Variants in PACS1 observed in about 807,000 individuals in gnomAD.
The protein encoded by PACS1 is phosphofurin acidic cluster sorting protein 1.
Under a neutral mutation model 115.0 loss-of-function variants are expected in PACS1, and 24 were observed. The ratio of observed to expected loss-of-function variants is 0.21; its 90% CI spans 0.15 to 0.29. The LOEUF is 0.29. PACS1 is among the 10% of genes least tolerant of loss of function. The pLI is 1.00. For missense variants in PACS1, 838 were observed against 1,251.2 expected (o/e 0.67, Z 4.98); for synonymous variants, 453 against 504.5 (o/e 0.90, Z 1.37).
rs80256695 is a variant in PACS1, at chr11:66,202,424, C to A, written c.445-7938C>A. On this transcript the variant is annotated intron_variant, in intron 2 of 23. Coordinates refer to ENST00000320580, the MANE Select transcript of PACS1 (RefSeq NM_018026.4). ...GCAGTATCTCTGATGACCACTGATACAAAAATCATCAAGAAAATACTAGCA... is the reference window on the plus strand; with the variant it reads ...GCAGTATCTCTGATGACCACTGATAAAAAAATCATCAAGAAAATACTAGCA... Among the ~76,000 whole-genome samples, 763 of 152,072 alleles carry A rather than the reference C, an allele frequency of 5.0e-3. 37 individuals carry two copies. The East Asian group carries it at 0.1, about 21-fold the overall frequency.
At chr11:66,219,497 G>A (rs749654498) in intron 7 of PACS1, 34 of 636,848 alleles carry the variant, frequency 5.3e-5, no homozygotes, top group Non-Finnish European at 7.8e-5. Flanking sequence ...AGGTGTTGGG[G>A]CACAGGGGGG....
intron 1 of PACS1, among the ~76,000 whole-genome samples, chr11:66,072,401 T>C (rs1197300745): frequency 6.6e-6 from 1 of 152,172 alleles, no homozygotes; most frequent in East Asian, 1.9e-4. Flanking sequence ...GTTGTATTCA[T>C]ATGGAGGGGT....
chr11:66,138,580 C>T (rs2134589802), intron 1 of PACS1, among the ~76,000 whole-genome samples: 1 of 152,188 alleles, frequency 6.6e-6, no homozygotes, highest in African/African-American at 2.4e-5. Context: ...CCTTGCTTGC[C>T]TCACCCTAAT....
intron 1 of PACS1, among the ~76,000 whole-genome samples, chr11:66,186,668 C>G (rs1437242988): frequency 6.6e-6 from 1 of 152,218 alleles, no homozygotes; most frequent in East Asian, 1.9e-4. Flanking sequence ...CAGCATGTGC[C>G]TCATTATAAG....
chr11:66,164,849 G>A (rs1859568224), intron 1 of PACS1, among the ~76,000 whole-genome samples: 1 of 151,920 alleles, frequency 6.6e-6, no homozygotes, highest in Non-Finnish European at 1.5e-5. Flanking sequence ...ATTCTCAGGT[G>A]AAACTTCACT....
At chr11:66,216,354 A>C in intron 5 of PACS1, 91 bp downstream of exon 5, 1 of 1,478,486 alleles carries the variant, frequency 6.8e-7, no homozygotes, top group East Asian at 2.3e-5. Context: ...TTCCTGGGCA[A>C]GAGACCTTTA....
chr11:66,170,844 A>C (rs1421196628), intron 1 of PACS1, among the ~76,000 whole-genome samples: 1 of 147,434 alleles, frequency 6.8e-6, no homozygotes, highest in East Asian at 1.9e-4. Context: ...TGGGAGGCAG[A>C]GATTGCAGTG....
chr11:66,170,549 T>C (rs1859711525), intron 1 of PACS1, among the ~76,000 whole-genome samples: 1 of 150,324 alleles, frequency 6.7e-6, no homozygotes, highest in African/African-American at 2.5e-5. Flanking sequence ...TTCAAATGCA[T>C]TATCTTTAAA....
intron 1 of PACS1, among the ~76,000 whole-genome samples, chr11:66,190,155 A>G (rs1349598135): frequency 6.6e-6 from 1 of 152,208 alleles, no homozygotes; most frequent in Non-Finnish European, 1.5e-5. Flanking sequence ...TGTTCTTTGG[A>G]CATACTGAAG....
At chr11:66,240,702 G>C (rs770649635) in intron 21 of PACS1, among the ~76,000 whole-genome samples, 2 of 151,934 alleles carry the variant, frequency 1.3e-5, no homozygotes, top group African/African-American at 2.4e-5. Flanking sequence ...ACCCCACAGC[G>C]GAAGGGTTTC....
At chr11:66,093,661 C>T (rs1358318228) in intron 1 of PACS1, among the ~76,000 whole-genome samples, 286 of 132,132 alleles carry the variant, frequency 2.2e-3, no homozygotes, top group African/African-American at 2.9e-3. Flanking sequence ...AACAAGGATA[C>T]CCAGGAATTG....
intron 1 of PACS1, among the ~76,000 whole-genome samples, chr11:66,114,959 CT>C (rs1209658266): frequency 1.3e-5 from 2 of 152,020 alleles, no homozygotes; most frequent in Non-Finnish European, 2.9e-5. Context: ...AATCCCAGCA[CT>C]TTAGTAGGCT....
In PACS1 at chr11:66,178,532, A is replaced by G. The variant is rs147745496; in HGVS notation, c.357-14954A>G. Among the ~76,000 whole-genome samples, 380 of 152,254 alleles carry G rather than the reference A, an allele frequency of 2.5e-3. 1 individual carries two copies. Among genetic ancestry groups the G allele is most frequent in the Non-Finnish European group, 2.9e-3 (200 of 68,018 alleles). ...GCTAAAAAATTCTTGTTCCTGTTTT[A>G]TGGTGGATTATATCTATCAGTATTT... On this transcript the variant is annotated intron_variant, in intron 1 of 23. Coordinates refer to ENST00000320580, the MANE Select transcript of PACS1 (RefSeq NM_018026.4).
intron 7 of PACS1, chr11:66,217,958 CTG>C: frequency 4.6e-6 from 1 of 218,282 alleles, no homozygotes; most frequent in Non-Finnish European, 9.2e-6. Context: ...TGGCACATGA[CTG>C]GAGTTCAGTG....
At chr11:66,176,916 A>G (rs1342457400) in intron 1 of PACS1, among the ~76,000 whole-genome samples, 4 of 152,158 alleles carry the variant, frequency 2.6e-5, no homozygotes, top group Non-Finnish European at 4.4e-5. Context: ...AGTAACTTGC[A>G]TATGTCTCAG....
At chr11:66,131,891 C>T (rs559061819) in intron 1 of PACS1, among the ~76,000 whole-genome samples, 49 of 152,084 alleles carry the variant, frequency 3.2e-4, no homozygotes, top group African/African-American at 1.1e-3. Flanking sequence ...CCTGATAGCC[C>T]CACCTAAATA....
At chr11:66,208,537 C>G (rs568397497) in intron 2 of PACS1, among the ~76,000 whole-genome samples, 6 of 151,760 alleles carry the variant, frequency 4.0e-5, no homozygotes, top group African/African-American at 1.4e-4. Flanking sequence ...AAACTCATTC[C>G]TGGCCCAGCC....
chr11:66,186,499 C>G (rs892095159), intron 1 of PACS1, among the ~76,000 whole-genome samples: 1 of 152,178 alleles, frequency 6.6e-6, no homozygotes, highest in Non-Finnish European at 1.5e-5. Flanking sequence ...GCCTCTTGCT[C>G]GCAATACCTA....
At chr11:66,111,657 G>A (rs771467068) in intron 1 of PACS1, among the ~76,000 whole-genome samples, 7 of 152,028 alleles carry the variant, frequency 4.6e-5, no homozygotes, top group Non-Finnish European at 8.8e-5. Context: ...TTTTTGTTTT[G>A]TTTTGTTTTT....
Sources: gnomAD v4.1 joint callset for allele counts (sites outside exome capture counted in the v4.1 genomes callset) on GRCh38, gnomAD v4.1.1 for gene constraint, MANE v1.5 for transcripts, NCBI Gene and HGNC (gene_info 2026-07-23, HGNC 2026-07-21) for gene names.